Variants in GBP1 observed in about 807,000 individuals in gnomAD.
GBP1 encodes guanylate binding protein 1, also known as guanylate-binding protein 1.
GBP1 carries 64 observed loss-of-function variants against 69.5 expected under a neutral mutation model. The observed-to-expected ratio is 0.92, with a 90% CI of 0.75 to 1.13. The LOEUF is 1.13. GBP1 is among the 50% of genes most tolerant of loss of function. The pLI is 0.00. For synonymous variants in GBP1, 250 were observed against 261.2 expected (o/e 0.96, Z 0.41); for missense variants, 630 against 704.1 (o/e 0.89, Z 1.19).
chr1:89,058,589 G>C, intron 5 of GBP1: 1 of 569,128 alleles, frequency 1.8e-6, no homozygotes, highest in South Asian at 2.1e-5. Flanking sequence ...CAAACCCTAG[G>C]CAGGGAGATA....
intron 9 of GBP1, 118 bp from the exon 10 acceptor site, chr1:89,054,993 G>A (rs568927013): frequency 2.7e-5 from 37 of 1,383,120 alleles, no homozygotes; most frequent in Middle Eastern, 1.9e-4. Flanking sequence ...AGATGACCTC[G>A]GCAAGTAAGA....
chr1:89,059,408 A>G lies in GBP1; in HGVS notation c.337T>C (p.Ser113Pro), dbSNP rs1464738844. The G allele has an allele frequency of 9.3e-6, 15 of 1,613,914 alleles. No homozygotes were observed. The highest frequency in any genetic ancestry group is 1.3e-5 in the African/African-American group (1 of 74,894). Reference sequence around the variant, plus strand: ...AGGACGGCCAGGGCGAAGATCCAGGAGTCATTCTGGTTGTCACCCTGGAAG... The same window carrying G: ...AGGACGGCCAGGGCGAAGATCCAGGGGTCATTCTGGTTGTCACCCTGGAAG... ...DVEKGDNQND[S>P]WIFALAVLLS... is the part of the protein sequence containing the mutation. Residue 113 changes from serine (S) to proline (P), a missense_variant, in exon 4 of 11, where the codon TCC becomes CCC. By Grantham distance (74) the Ser-to-Pro change is moderately conservative. This residue lies in a region of GBP1 where 131 missense variants were observed against 138.5 expected (regional missense o/e 0.95). Coordinates refer to ENST00000370473, the MANE Select transcript of GBP1 (RefSeq NM_002053.3).
At position 89,058,824 on chromosome 1, in the gene GBP1, T is replaced by C. The variant is rs1238691931; in HGVS notation, c.631+17A>G. 5 of 1,611,488 alleles carry C rather than the reference T, an allele frequency of 3.1e-6. No individual in the cohort carries two copies. The African/African-American group carries it at 5.3e-5, about 17-fold the overall frequency. ...GTGTTTTCTCATCCTCATTTATCAG[T>C]TGAAGCTCTCTGTTACCTTTCTTCA... On this transcript the variant is annotated intron_variant, in intron 5 of 10. Transcript: ENST00000370473.
rs746036062 is a variant in GBP1 at position 89,055,096 on chromosome 1, C to T, written c.1471+17G>A. 14 of 1,603,888 alleles carry T rather than the reference C, an allele frequency of 8.7e-6. No individual in the cohort carries two copies. In the African/African-American group the frequency reaches 1.4e-4, roughly 15 times the overall value. On this transcript the variant is annotated intron_variant, in intron 9 of 10. Coordinates refer to ENST00000370473, the MANE Select transcript of GBP1 (RefSeq NM_002053.3). The stretch of plus-strand genomic sequence containing the variant: ...TGGAGCTTTTGAGGCCATCTAATCT[C>T]TTAACTCACTCCTCACCTTCAATCT...
chr1:89,053,404 T>A lies in GBP1; in HGVS notation c.1730A>T (p.Gln577Leu), dbSNP rs767884026. The A allele has an allele frequency of 1.2e-5, 19 of 1,613,738 alleles. No homozygotes were observed. The highest frequency in any genetic ancestry group is 8.5e-7 in the Non-Finnish European group (1 of 1,179,996). Reference protein sequence around the residue: ...KESRIMKNEIQDLQTKMRRRK... With the variant: ...KESRIMKNEILDLQTKMRRRK... Reference sequence around the variant, plus strand: ...TCGTCTCATTTTCGTCTGGAGATCCTGTATCTCATTTTTCATTATTCTGCT... The same window carrying A: ...TCGTCTCATTTTCGTCTGGAGATCCAGTATCTCATTTTTCATTATTCTGCT... The change falls in exon 11 of 11, where the codon CAG (glutamine) becomes CTG (leucine). Residue 577 changes from glutamine (Q) to leucine (L), a missense_variant. Gln to Leu is a moderately radical substitution (Grantham distance 113). This residue lies in a region of GBP1 where 71 missense variants were observed against 72.7 expected (regional missense o/e 0.98). Transcript: ENST00000370473.
chr1:89,057,903 G>A (rs1351483095), intron 6 of GBP1, 89 bp downstream of exon 6: 11 of 1,325,108 alleles, frequency 8.3e-6, no homozygotes, highest in Middle Eastern at 2.8e-4. Context: ...GCAGTAGATT[G>A]GGATTTTTCA....
chr1:89,055,386 C>G (rs1045127540), intron 8 of GBP1, 171 bp from the exon 9 acceptor site: 3 of 1,094,232 alleles, frequency 2.7e-6, no homozygotes, highest in African/African-American at 1.6e-5. Flanking sequence ...GCAAGCCGAT[C>G]AGAACATCCT....
chr1:89,061,222 T>C (rs1383550464), intron 2 of GBP1, among the ~76,000 whole-genome samples: 1 of 152,084 alleles, frequency 6.6e-6, no homozygotes, highest in Non-Finnish European at 1.5e-5. Context: ...ATCCCCTAAT[T>C]ATAAAAATAA....
chr1:89,054,220 T>C lies in GBP1; in HGVS notation c.1665+462A>G, dbSNP rs111365231. Among the ~76,000 whole-genome samples the C allele has an allele frequency of 4.5e-3, 684 of 152,116 alleles. 4 individuals are homozygous for C. The highest frequency in any genetic ancestry group is 7.4e-3 in the Non-Finnish European group (505 of 67,962). ...GTTCACTCCATTCTCCTGCCTCAGC[T>C]TCCTGAGTAGCTGGGACTACAGGTG... On this transcript the variant is annotated intron_variant, in intron 10 of 10. Coordinates refer to ENST00000370473, the MANE Select transcript of GBP1 (RefSeq NM_002053.3).
Position 89,057,145 on chromosome 1 carries a change from A to G in GBP1, c.875-11T>C. The G allele has an allele frequency of 6.2e-7, 1 of 1,613,330 alleles. No individual in the cohort carries two copies. The highest frequency in any genetic ancestry group is 8.5e-7 in the Non-Finnish European group (1 of 1,179,258). On this transcript the variant is annotated splice_polypyrimidine_tract_variant and intron_variant, in intron 6 of 10. Coordinates refer to ENST00000370473, the MANE Select transcript of GBP1 (RefSeq NM_002053.3). ...CCAGGCTCTCTAGACCTGCATATGAAGAACAAATGATAATGTTTCTGGTGG... is the reference window on the plus strand; with the variant it reads ...CCAGGCTCTCTAGACCTGCATATGAGGAACAAATGATAATGTTTCTGGTGG...
chr1:89,055,900 G>C (rs575303386), intron 8 of GBP1, 116 bp downstream of exon 8: 2 of 1,234,272 alleles, frequency 1.6e-6, no homozygotes, highest in Non-Finnish European at 1.2e-6. Context: ...TTGAATAAAA[G>C]CATGAATGTT....
chr1:89,055,997 A>G lies in GBP1; in HGVS notation c.1368+19T>C. 1 of 1,613,896 alleles carries G rather than the reference A, an allele frequency of 6.2e-7. No homozygotes were observed. The highest frequency in any genetic ancestry group is 8.5e-7 in the Non-Finnish European group (1 of 1,179,798). ...GCAGGTCAGCAGCTTTCCATAATTG[A>G]CAGATAAATCTTGGTTACCTGTATC... On this transcript the variant is annotated intron_variant, in intron 8 of 10. Transcript: ENST00000370473.
chr1:89,063,093 G>C lies in GBP1; in HGVS notation c.142C>G (p.Arg48Gly). The change falls in exon 2 of 11, where the codon CGC (arginine) becomes GGC (glycine). Residue 48 changes from arginine to glycine, a missense_variant. Arg to Gly is a moderately radical substitution (Grantham distance 125). Transcript: ENST00000370473. ...MVVVAIVGLY[R>G]TGKSYLMNKL... Reference sequence around the variant, plus strand: ...TTCATCAGGTAGGATTTGCCTGTGCGGTAGAGGCCCACAATTGCCACCACC... The same window carrying C: ...TTCATCAGGTAGGATTTGCCTGTGCCGTAGAGGCCCACAATTGCCACCACC... 4 of 1,614,026 alleles carry C rather than the reference G, an allele frequency of 2.5e-6. No homozygotes were observed. The South Asian group carries it at 3.3e-5, about 13-fold the overall frequency.
intron 7 of GBP1, among the ~76,000 whole-genome samples, 193 bp downstream of exon 7, chr1:89,056,660 GA>G (rs960592303): frequency 1.3e-5 from 2 of 152,080 alleles, no homozygotes; most frequent in African/African-American, 4.8e-5. Context: ...AATTATTCAG[GA>G]AAAAATGTTT....
Position 89,055,900 on chromosome 1 carries a change from G to A in GBP1, c.1368+116C>T, listed in dbSNP as rs575303386. 7.3e-6 allele frequency: 9 copies of A among 1,234,270 alleles called. No individual in the cohort carries two copies. The East Asian group carries it at 2.1e-4, about 29-fold the overall frequency. 76.5% of individuals were successfully genotyped at this position (1,234,270 alleles called of 1,614,324 possible). A position where few individuals can be genotyped will look rare whatever the true frequency, so the allele number is the denominator to read the frequency against. ...TGTTTGCATATGTTATTGAATAAAA[G>A]CATGAATGTTATGCAAACAAAAAAG... is the stretch of plus-strand genomic sequence containing the variant. On this transcript the variant is annotated intron_variant, in intron 8 of 10. Coordinates refer to ENST00000370473, the MANE Select transcript of GBP1 (RefSeq NM_002053.3).
In GBP1 at chr1:89,054,807, C is replaced by A; in HGVS notation, c.1540G>T (p.Glu514Ter). 3.1e-6 allele frequency: 5 copies of A among 1,614,234 alleles called. No homozygotes were observed. Among genetic ancestry groups the A allele is most frequent in the Non-Finnish European group, 4.2e-6 (5 of 1,180,034 alleles). ...CTCTCCTTCTGTTCCATCATCTGCT[C>A]ATTCTTTCTTTGCATTTCCTGCAAC... is the stretch of plus-strand genomic sequence containing the variant. ...KMLQEMQRKN[E>*]QMMEQKERSY... The change falls in exon 10 of 11, where the codon GAG (glutamate) becomes TAG (stop). Residue 514 changes from glutamate to a stop codon, truncating the protein, a stop_gained. Transcript: ENST00000370473. LOFTEE classifies it high-confidence loss of function.
Position 89,056,866 on chromosome 1 carries a change from T to C in GBP1, c.1143A>G (p.Gln381=), listed in dbSNP as rs541021570. The C allele has an allele frequency of 1.3e-5, 21 of 1,613,976 alleles. No individual in the cohort carries two copies. The highest frequency in any genetic ancestry group is 4.0e-5 in the African/African-American group (3 of 75,044). ...SSFKDVDHLF[Q]KELAAQLEKK... is the part of the protein sequence containing the mutation. ...AGACAAAAATTACCGCTAACTCCTT[T>C]TGAAATAGATGGTCCACATCTTTGA... The change falls in exon 7 of 11, where the codon CAA becomes CAG. Residue 381 remains glutamine (Q), a synonymous_variant. Coordinates refer to ENST00000370473, the MANE Select transcript of GBP1 (RefSeq NM_002053.3).
chr1:89,063,292 G>T (rs1348017976), intron 1 of GBP1, 39 bp from the exon 2 acceptor site: 31 of 1,564,674 alleles, frequency 2.0e-5, no homozygotes, highest in Non-Finnish European at 2.1e-5. Flanking sequence ...AATTTCTAGT[G>T]TTTTGCAATT....
At position 89,053,107 on chromosome 1, in the gene GBP1, C is replaced by T. The variant is rs986239964; in HGVS notation, c.*248G>A. The T allele has an allele frequency of 3.1e-5, 11 of 350,270 alleles. No homozygotes were observed. The Admixed American group carries it at 4.7e-4, about 15-fold the overall frequency. 21.7% of individuals were successfully genotyped at this position (350,270 alleles called of 1,614,324 possible). A position where few individuals can be genotyped will look rare whatever the true frequency, so the allele number is the denominator to read the frequency against. On this transcript the variant is annotated 3_prime_UTR_variant, in exon 11 of 11. Transcript: ENST00000370473. ...TGGTCATCTGGAAGAATAAACTTCT[C>T]CTGAGTGGTACCAGCTTATGAGATT...
Sources: allele counts gnomAD v4.1 joint callset (sites outside exome capture counted in the v4.1 genomes callset), GRCh38; gene constraint gnomAD v4.1.1; regional missense constraint gnomAD v4.1.1; transcripts MANE v1.5; gene names NCBI Gene and HGNC (gene_info 2026-07-23, HGNC 2026-07-21).